The following UNC119B variants were observed in gnomAD, a reference collection of about 807,000 sequenced individuals.
UNC119B encodes protein unc-119 homolog B.
UNC119B carries 16 observed loss-of-function variants against 23.4 expected under a neutral mutation model. The ratio of observed to expected loss-of-function variants is 0.68; its 90% CI spans 0.46 to 1.04. The LOEUF (loss-of-function observed/expected upper bound fraction) is 1.04. Among genes scored for constraint, UNC119B ranks in the 50% least tolerant of loss-of-function variants. UNC119B has a pLI of 0.00. For missense variants in UNC119B, 350 were observed against 361.3 expected, an observed-to-expected ratio of 0.97 and a Z score of 0.25; for synonymous variants, 144 against 145.4, an observed-to-expected ratio of 0.99 and a Z score of 0.07.
chr12:120,712,413 G>A (rs924844738), intron 1 of UNC119B, among the ~76,000 whole-genome samples: 1 of 152,226 alleles, frequency 6.6e-6, no homozygotes, highest in East Asian at 1.9e-4. Flanking sequence ...ATGAGCTGTG[G>A]AGAAGATGCT....
intron 4 of UNC119B, 70 bp from the exon 5 acceptor site, chr12:120,719,850 C>T (rs1228526405): frequency 2.7e-6 from 3 of 1,116,258 alleles, no homozygotes; most frequent in Non-Finnish European, 4.0e-6. Context: ...AAGTTTTCTC[C>T]CACCTACCCT....
intron 2 of UNC119B, among the ~76,000 whole-genome samples, chr12:120,715,830 G>C (rs888445605): frequency 1.3e-5 from 2 of 152,182 alleles, no homozygotes; most frequent in African/African-American, 4.8e-5. Context: ...ACCGTGCCCA[G>C]CCCTCTGATT....
rs1423903007 is a variant in UNC119B, at chr12:120,720,068, C to T, written c.*36C>T. 5.4e-6 allele frequency: 8 copies of T among 1,475,952 alleles called. No individual in the cohort carries two copies. Among genetic ancestry groups the T allele is most frequent in the Admixed American group, 1.7e-5 (1 of 58,788 alleles). 91.4% of individuals were successfully genotyped at this position (1,475,952 alleles called of 1,614,324 possible). On this transcript the variant is annotated 3_prime_UTR_variant, in exon 5 of 5. Transcript: ENST00000344651. ...AGTAGATAGGGGAGGTGCTTTGCCG[C>T]GGCCACAAGATCCTGGCACACGGAG...
chr12:120,712,333 G>A (rs998547124), intron 1 of UNC119B, among the ~76,000 whole-genome samples: 1 of 152,154 alleles, frequency 6.6e-6, no homozygotes, highest in African/African-American at 2.4e-5. Flanking sequence ...CAAGTTTGTC[G>A]TCTTAATAAA....
intron 1 of UNC119B, chr12:120,711,503 C>G (rs957683911): frequency 1.3e-5 from 2 of 152,244 alleles, no homozygotes; most frequent in Admixed American, 1.3e-4. Context: ...TGCCCAGTCC[C>G]TGCCCTGGGT....
chr12:120,714,476 A>G (rs980694386), intron 2 of UNC119B, among the ~76,000 whole-genome samples: 3 of 152,222 alleles, frequency 2.0e-5, no homozygotes, highest in Admixed American at 1.3e-4. Flanking sequence ...GCCCACCACC[A>G]TGCCTAGCTA....
chr12:120,715,199 T>C (rs1357162751), intron 2 of UNC119B, among the ~76,000 whole-genome samples: 1 of 152,082 alleles, frequency 6.6e-6, no homozygotes, highest in Non-Finnish European at 1.5e-5. Flanking sequence ...TCAAAATAAA[T>C]CAATAAATAT....
intron 2 of UNC119B, among the ~76,000 whole-genome samples, chr12:120,715,634 A>G (rs1882765868): frequency 1.4e-5 from 2 of 145,776 alleles, no homozygotes; most frequent in Non-Finnish European, 3.0e-5. Flanking sequence ...CCCGGGTTCA[A>G]GCAATTCTCC....
rs1882961375 is a variant in UNC119B, at chr12:120,723,611, G to C, written c.*3579G>C. On this transcript the variant is annotated 3_prime_UTR_variant, in exon 5 of 5. Transcript: ENST00000344651. ...TATAAAATGTTATTTTGCCACATGA[G>C]ACAGTAATAAAAGAAAGATTTTCAC... 1 of 152,060 alleles carries C rather than the reference G, an allele frequency of 6.6e-6. No homozygotes were observed. Among genetic ancestry groups the C allele is most frequent in the African/African-American group, 2.4e-5 (1 of 41,374 alleles). The allele number at this position is 152,060 out of a possible 1,614,324, so 9.4% of individuals were successfully genotyped here.
chr12:120,717,707 C>T (rs888789415), intron 4 of UNC119B, among the ~76,000 whole-genome samples: 3 of 150,552 alleles, frequency 2.0e-5, no homozygotes, highest in African/African-American at 4.9e-5. Context: ...GGATTATAGG[C>T]ACCTGCCACC....
intron 2 of UNC119B, among the ~76,000 whole-genome samples, chr12:120,715,085 G>A (rs1882748548): frequency 1.3e-5 from 2 of 152,196 alleles, no homozygotes; most frequent in South Asian, 2.1e-4. Context: ...CAGCTACTCA[G>A]GAGGCTGAGG....
chr12:120,717,271 G>T (rs961387560), intron 4 of UNC119B, among the ~76,000 whole-genome samples: 3 of 151,998 alleles, frequency 2.0e-5, no homozygotes, highest in Non-Finnish European at 4.4e-5. Flanking sequence ...TTTTGTTTTT[G>T]TTTTTTTCCC....
chr12:120,710,847 C>T (rs1882649575), intron 1 of UNC119B, 129 bp downstream of exon 1: 2 of 909,094 alleles, frequency 2.2e-6, no homozygotes, highest in South Asian at 5.6e-5. Flanking sequence ...GCCGCGCTTC[C>T]CGCTGCCCCG....
Position 120,720,066 on chromosome 12 carries a change from C to G in UNC119B, c.*34C>G. 6.7e-7 allele frequency: 1 copy of G among 1,493,848 alleles called. No homozygotes were observed. The highest frequency in any genetic ancestry group is 1.4e-5 in the African/African-American group (1 of 72,244). 92.5% of individuals were successfully genotyped at this position (1,493,848 alleles called of 1,614,324 possible). On this transcript the variant is annotated 3_prime_UTR_variant, in exon 5 of 5. Coordinates refer to ENST00000344651, the MANE Select transcript of UNC119B (RefSeq NM_001080533.3). Reference sequence around the variant, plus strand: ...AGAGTAGATAGGGGAGGTGCTTTGCCGCGGCCACAAGATCCTGGCACACGG... The same window carrying G: ...AGAGTAGATAGGGGAGGTGCTTTGCGGCGGCCACAAGATCCTGGCACACGG...
chr12:120,716,801 G>A (rs529125157), intron 3 of UNC119B, 62 bp downstream of exon 3: 307 of 1,605,506 alleles, frequency 1.9e-4, no homozygotes, highest in Non-Finnish European at 2.4e-4. Flanking sequence ...GAGTGTTTTC[G>A]GTTGGGTTTT....
chr12:120,717,087 A>G (rs902534923), intron 4 of UNC119B, 45 bp downstream of exon 4: 26 of 1,516,756 alleles, frequency 1.7e-5, no homozygotes, highest in Non-Finnish European at 2.3e-5. Context: ...TCTGAGGGCT[A>G]CAAGGAACAA....
intron 2 of UNC119B, among the ~76,000 whole-genome samples, chr12:120,715,140 G>A (rs1466902584): frequency 6.6e-6 from 1 of 152,186 alleles, no homozygotes; most frequent in Non-Finnish European, 1.5e-5. Flanking sequence ...GCAGTGAGCC[G>A]TGATCACTGC....
Position 120,717,026 on chromosome 12 carries a change from G to T in UNC119B, c.627G>T (p.Gln209His). Reference protein sequence around the residue: ...NTCEHIYEFPQLSEDVIRLMI... With the variant: ...NTCEHIYEFPHLSEDVIRLMI... Reference sequence around the variant, plus strand: ...GTGAACATATCTATGAGTTTCCCCAGCTTTCGGAGGATGTCAGTATGTATC... The same window carrying T: ...GTGAACATATCTATGAGTTTCCCCATCTTTCGGAGGATGTCAGTATGTATC... The change falls in exon 4 of 5, where the codon CAG becomes CAT. Residue 209 changes from glutamine (Q) to histidine (H), a missense_variant. Gln to His is a conservative substitution (Grantham distance 24). Transcript: ENST00000344651. 1.3e-6 allele frequency: 2 copies of T among 1,595,496 alleles called. No homozygotes were observed. The highest frequency in any genetic ancestry group is 1.7e-6 in the Non-Finnish European group (2 of 1,169,830).
chr12:120,716,212 C>T (rs1882776349), intron 2 of UNC119B, among the ~76,000 whole-genome samples: 2 of 152,296 alleles, frequency 1.3e-5, no homozygotes, highest in Middle Eastern at 3.4e-3. Flanking sequence ...GTCAGAGGCC[C>T]AGTTCCCAGC....
Sources: allele counts gnomAD v4.1 joint callset (sites outside exome capture counted in the v4.1 genomes callset), GRCh38; gene constraint gnomAD v4.1.1; transcripts MANE v1.5; gene names NCBI Gene and HGNC (gene_info 2026-07-23, HGNC 2026-07-21).